The following MGAT5 variants were observed in gnomAD, a reference collection of about 807,000 sequenced individuals.
The protein encoded by MGAT5 is alpha-1,6-mannosylglycoprotein 6-beta-N-acetylglucosaminyltransferase A.
MGAT5 carries 30 observed loss-of-function variants against 94.3 expected under a neutral mutation model. The ratio of observed to expected loss-of-function variants is 0.32; its 90% confidence interval spans 0.24 to 0.43. The LOEUF (loss-of-function observed/expected upper bound fraction) is 0.43, where lower values mean the gene tolerates loss of function less well. MGAT5 is among the 20% of genes least tolerant of loss of function. The probability of loss-of-function intolerance (pLI) is 1.00; values close to 1 mark genes in which losing one functional copy is unlikely to be tolerated. For synonymous variants in MGAT5, 310 were observed against 322.9 expected, an observed-to-expected ratio of 0.96 and a Z score of 0.43; for missense variants, 691 against 905.5, an observed-to-expected ratio of 0.76 and a Z score of 3.04.
intron 1 of MGAT5, among the ~76,000 whole-genome samples, chr2:134,217,388 A>G (rs1024796938): frequency 3.3e-5 from 5 of 152,084 alleles, no homozygotes; most frequent in Non-Finnish European, 7.4e-5. Context: ...AACTCATTCA[A>G]TCTTATTTGA....
At chr2:134,418,544 CA>C (rs1478458750) in intron 12 of MGAT5, among the ~76,000 whole-genome samples, 6 of 152,178 alleles carry the variant, frequency 3.9e-5, no homozygotes, top group Admixed American at 1.3e-4. Flanking sequence ...GAGAATTCAT[CA>C]ATGTACATTT....
At chr2:134,280,390 C>G (rs923492462) in intron 2 of MGAT5, among the ~76,000 whole-genome samples, 9 of 152,196 alleles carry the variant, frequency 5.9e-5, no homozygotes, top group African/African-American at 1.2e-4. Context: ...TTATGTCAAG[C>G]AGAGGGCCCA....
chr2:134,313,227 G>T (rs1390670310), intron 2 of MGAT5, among the ~76,000 whole-genome samples: 1 of 151,926 alleles, frequency 6.6e-6, no homozygotes, highest in African/African-American at 2.4e-5. Context: ...CTGTCTCCAC[G>T]CCTCACAGGA....
At chr2:134,361,263 C>A (rs1302320087) in intron 9 of MGAT5, among the ~76,000 whole-genome samples, 17 of 152,186 alleles carry the variant, frequency 1.1e-4, no homozygotes. Context: ...ATATCTCAAT[C>A]ACCAGGAGGA....
chr2:134,206,648 G>A (rs978020005), intron 1 of MGAT5, among the ~76,000 whole-genome samples: 4 of 152,126 alleles, frequency 2.6e-5, no homozygotes, highest in African/African-American at 9.7e-5. Flanking sequence ...CTTGAGATAG[G>A]GCAATTATCG....
chr2:134,338,471 T>G, intron 6 of MGAT5, 51 bp downstream of exon 6: 1 of 1,536,830 alleles, frequency 6.5e-7, no homozygotes, highest in Non-Finnish European at 8.8e-7. Flanking sequence ...TCTTTTAAAA[T>G]TTGATTTTGC....
intron 1 of MGAT5, among the ~76,000 whole-genome samples, chr2:134,151,395 T>C (rs547277595): frequency 8.0e-6 from 1 of 125,000 alleles, no homozygotes; most frequent in East Asian, 2.6e-4. Flanking sequence ...CTCACCGCCA[T>C]GGGACCTCAC....
intron 10 of MGAT5, among the ~76,000 whole-genome samples, chr2:134,395,210 T>C (rs1420509271): frequency 6.6e-6 from 1 of 152,216 alleles, no homozygotes; most frequent in Non-Finnish European, 1.5e-5. Flanking sequence ...AGAAACCAGC[T>C]CTGCAATTTG....
rs1688838280 is a variant in MGAT5, at chr2:134,345,000, T to G, written c.1048T>G (p.Tyr350Asp). 1 of 1,613,580 alleles carries G rather than the reference T, an allele frequency of 6.2e-7. No homozygotes were observed. Among genetic ancestry groups the G allele is most frequent in the African/African-American group, 1.3e-5 (1 of 74,900 alleles). The change falls in exon 8 of 16, where the codon TAC (tyrosine) becomes GAC (aspartate). Residue 350 changes from tyrosine to aspartate, a missense_variant. Tyr to Asp is a radical substitution (Grantham distance 160). This residue lies in a region of MGAT5 where 121 missense variants were observed against 206.1 expected (regional missense o/e 0.59). Coordinates refer to ENST00000281923, the MANE Select transcript of MGAT5 (RefSeq NM_002410.5). Reference sequence around the variant, plus strand: ...AGGAGACAGAATTGTTGAGCTCATTTACATTGATATTGTAGGACTTGCTCA... The same window carrying G: ...AGGAGACAGAATTGTTGAGCTCATTGACATTGATATTGTAGGACTTGCTCA... ...TVGDRIVELI[Y>D]IDIVGLAQFK...
At chr2:134,398,068 T>C (rs1402658226) in intron 10 of MGAT5, among the ~76,000 whole-genome samples, 1 of 152,192 alleles carries the variant, frequency 6.6e-6, no homozygotes, top group African/African-American at 2.4e-5. Flanking sequence ...TGCCACAGGC[T>C]GAGTATCCCT....
intron 9 of MGAT5, among the ~76,000 whole-genome samples, chr2:134,354,317 A>C (rs7562626): frequency 0.97 from 147,567 of 152,200 alleles, 71,615 homozygotes; most frequent in East Asian, 1. Context: ...CTTGAGGAAC[A>C]AAGTCTTCAG....
intron 1 of MGAT5, among the ~76,000 whole-genome samples, chr2:134,264,017 G>GTTTTTTTTTTTTTTTTTTTTTTTTT (rs763608726): frequency 9.2e-6 from 1 of 108,944 alleles, no homozygotes. Flanking sequence ...ATGCCATTAG[G>GTTTTTTTTTTTTTTTTTTTTTTTTT]TTTTTTTTTT....
chr2:134,396,834 G>A (rs1248925681), intron 10 of MGAT5, among the ~76,000 whole-genome samples: 1 of 152,244 alleles, frequency 6.6e-6, no homozygotes, highest in African/African-American at 2.4e-5. Flanking sequence ...TCCAGTGACA[G>A]TGCAGCCCAA....
chr2:134,296,536 C>T (rs1213625320), intron 2 of MGAT5, among the ~76,000 whole-genome samples: 3 of 151,698 alleles, frequency 2.0e-5, no homozygotes. Context: ...TTTTCCCTTT[C>T]ACCCCAGGAA....
chr2:134,198,819 C>T (rs1482590080), intron 1 of MGAT5, among the ~76,000 whole-genome samples: 1 of 152,162 alleles, frequency 6.6e-6, no homozygotes, highest in Non-Finnish European at 1.5e-5. Context: ...TTGGTAACTG[C>T]ATCATGTTTC....
At chr2:134,345,473 G>T (rs1688869118) in intron 8 of MGAT5, among the ~76,000 whole-genome samples, 1 of 152,058 alleles carries the variant, frequency 6.6e-6, no homozygotes, top group South Asian at 2.1e-4. Context: ...AGGGAAATCT[G>T]GGAATACGTT....
At chr2:134,130,266 C>CGCCCCACACCGCCCCACACT (rs1686082622) in intron 1 of MGAT5, among the ~76,000 whole-genome samples, 2 of 150,838 alleles carry the variant, frequency 1.3e-5, no homozygotes, top group African/African-American at 2.4e-5. Context: ...CGCCCCACAC[C>CGCCCCACACCGCCCCACACT]GCCCCACACC....
intron 14 of MGAT5, among the ~76,000 whole-genome samples, chr2:134,441,511 C>T (rs1410152233): frequency 6.6e-6 from 1 of 152,136 alleles, no homozygotes; most frequent in Non-Finnish European, 1.5e-5. Flanking sequence ...TCCTGGAGCC[C>T]TTTGTGGAAG....
chr2:134,298,139 AGGCTGGAGTGCAATAGCGTACTCTT>A (rs1026987535), intron 2 of MGAT5, among the ~76,000 whole-genome samples: 2 of 152,176 alleles, frequency 1.3e-5, no homozygotes, highest in African/African-American at 4.8e-5. Flanking sequence ...TCTGTCTCCC[AGGCTGGAGTGCAATAGCGTACTCTT>A]GGCTCACTGC....
Sources: gnomAD v4.1 joint callset for allele counts (sites outside exome capture counted in the v4.1 genomes callset) on GRCh38, gnomAD v4.1.1 for gene constraint, gnomAD v4.1.1 regional missense constraint, MANE v1.5 for transcripts, NCBI Gene and HGNC (gene_info 2026-07-23, HGNC 2026-07-21) for gene names.